EPS15L1: variants seen among roughly 807,000 people sequenced by gnomAD.
EPS15L1 encodes the protein epidermal growth factor receptor substrate 15-like 1.
Under a neutral mutation model 117.1 loss-of-function variants are expected in EPS15L1, and 43 were observed. The ratio of observed to expected loss-of-function variants is 0.37; its 90% CI spans 0.29 to 0.47. The LOEUF (loss-of-function observed/expected upper bound fraction) is 0.47. Ranked by LOEUF, EPS15L1 falls within the 20% of genes least tolerant of loss-of-function variation. EPS15L1 has a pLI of 0.99. For missense variants in EPS15L1, 981 were observed against 1,164.0 expected, an observed-to-expected ratio of 0.84 and a Z score of 2.29; for synonymous variants, 459 against 470.5, an observed-to-expected ratio of 0.98 and a Z score of 0.32.
intron 11 of EPS15L1, 84 bp from the exon 12 acceptor site, chr19:16,417,721 G>T: frequency 7.8e-7 from 1 of 1,285,000 alleles, no homozygotes; most frequent in Non-Finnish European, 1.1e-6. Flanking sequence ...CGGGCCCAGG[G>T]ATAAAATTGT....
chr19:16,355,714 A>G lies in EPS15L1; in HGVS notation c.2724T>C (p.Pro908=). 2 of 1,535,692 alleles carry G rather than the reference A, an allele frequency of 1.3e-6. No homozygotes were observed. The highest frequency in any genetic ancestry group is 1.7e-6 in the Non-Finnish European group (2 of 1,146,598). Residue 908 remains proline, a synonymous_variant, in exon 24 of 24, where the codon CCT becomes CCC. Coordinates refer to ENST00000455140, the MANE Select transcript of EPS15L1 (RefSeq NM_001258374.3). ...TACACACGGCCCTCGCCTAGGCGGC[A>G]GGCATGTCAGCCTTGCTGAGCGCGA... is the stretch of plus-strand genomic sequence containing the variant. ...LAIALSKADM[P]AA
intron 19 of EPS15L1, among the ~76,000 whole-genome samples, chr19:16,388,367 C>T (rs2092442495): frequency 6.6e-6 from 1 of 152,102 alleles, no homozygotes; most frequent in Non-Finnish European, 1.5e-5. Context: ...TGTTGAAAAG[C>T]ATAATTTACA....
At chr19:16,400,785 C>T in intron 16 of EPS15L1, 2 of 985,368 alleles carry the variant, frequency 2.0e-6, no homozygotes, top group Middle Eastern at 5.2e-4. Context: ...ACAAAAATAA[C>T]CAGAAAGGTA....
At chr19:16,380,353 G>A (rs73931907) in intron 21 of EPS15L1, among the ~76,000 whole-genome samples, 3,011 of 152,110 alleles carry the variant, frequency 0.02, 106 homozygotes, top group African/African-American at 0.069. Flanking sequence ...AGGCTCTAGC[G>A]TCTAGTCACA....
intron 3 of EPS15L1, chr19:16,441,262 G>C (rs1476729856): frequency 3.2e-6 from 1 of 313,176 alleles, no homozygotes; most frequent in African/African-American, 2.1e-5. Context: ...CCTGAGGTCA[G>C]GAGTGCGAGA....
rs774122652 is a variant in EPS15L1 at position 16,418,079 on chromosome 19, C to T, written c.976G>A (p.Gly326Arg). The T allele has an allele frequency of 2.5e-6, 4 of 1,613,866 alleles. No homozygotes were observed. Among genetic ancestry groups the T allele is most frequent in the Non-Finnish European group, 3.4e-6 (4 of 1,179,910 alleles). ...IWALADTRQT[G>R]KLSKDQFALA... is the part of the protein sequence containing the mutation. ...GCGAATTGGTCTTTGCTTAACTTCC[C>T]CGTTTGCCTCGTATCGGCCAGGGCC... Residue 326 changes from glycine to arginine, a missense_variant, in exon 11 of 24, where the codon GGG becomes AGG. Transcript: ENST00000455140.
chr19:16,406,703 C>A (rs888578059), intron 13 of EPS15L1, among the ~76,000 whole-genome samples: 2 of 152,250 alleles, frequency 1.3e-5, no homozygotes, highest in Admixed American at 6.5e-5. Flanking sequence ...CCCTCCTTTA[C>A]CTCCTCCTCA....
At chr19:16,465,098 A>G (rs1336438874) in intron 1 of EPS15L1, among the ~76,000 whole-genome samples, 8 of 151,570 alleles carry the variant, frequency 5.3e-5, no homozygotes, top group Non-Finnish European at 1.2e-4. Context: ...AAAAAAATTC[A>G]CAAGAAAACC....
chr19:16,419,334 C>T (rs181469357), intron 10 of EPS15L1, among the ~76,000 whole-genome samples: 20 of 152,276 alleles, frequency 1.3e-4, no homozygotes, highest in Middle Eastern at 3.4e-3. Flanking sequence ...TGGCGCGCGC[C>T]TGTAATCCCA....
At chr19:16,409,136 C>T (rs1281491062) in intron 13 of EPS15L1, among the ~76,000 whole-genome samples, 1 of 152,174 alleles carries the variant, frequency 6.6e-6, no homozygotes, top group African/African-American at 2.4e-5. Context: ...GAAGCTGATG[C>T]AGGAGGATCC....
At chr19:16,410,098 T>TGC (rs1440371908) in intron 13 of EPS15L1, among the ~76,000 whole-genome samples, 2 of 149,998 alleles carry the variant, frequency 1.3e-5, no homozygotes, top group African/African-American at 2.5e-5. Flanking sequence ...TGCACCCTTG[T>TGC]GCTCCAGCCT....
At chr19:16,458,999 G>A (rs1426359030) in intron 1 of EPS15L1, among the ~76,000 whole-genome samples, 1 of 152,218 alleles carries the variant, frequency 6.6e-6, no homozygotes, top group Non-Finnish European at 1.5e-5. Flanking sequence ...CTGTGGTCTA[G>A]CCTATTACTC....
At chr19:16,467,600 C>T (rs968896597) in intron 1 of EPS15L1, among the ~76,000 whole-genome samples, 2 of 152,014 alleles carry the variant, frequency 1.3e-5, no homozygotes, top group Admixed American at 1.3e-4. Flanking sequence ...CTGGATCTTT[C>T]AGGAGTGGAT....
rs186856037 is a variant in EPS15L1 at position 16,464,810 on chromosome 19, A to G, written c.33+7103T>C. ...AGCTTTAAAAAATTCACGGGTGGGC[A>G]TGGTGGCTCACGCCTGTAATCCCAG... On this transcript the variant is annotated intron_variant, in intron 1 of 23. Transcript: ENST00000455140. Among the ~76,000 whole-genome samples, 278 of 152,232 alleles carry G rather than the reference A, an allele frequency of 1.8e-3. 2 individuals carry two copies. The East Asian group carries it at 0.021, about 12-fold the overall frequency.
At chr19:16,433,441 T>G (rs985640290) in intron 7 of EPS15L1, among the ~76,000 whole-genome samples, 2 of 152,110 alleles carry the variant, frequency 1.3e-5, no homozygotes, top group Non-Finnish European at 2.9e-5. Context: ...TAAGACTTTC[T>G]TTAAAGAGAA....
intron 1 of EPS15L1, among the ~76,000 whole-genome samples, chr19:16,463,637 G>A (rs1034959952): frequency 6.6e-6 from 1 of 152,154 alleles, no homozygotes; most frequent in African/African-American, 2.4e-5. Context: ...GCTGCAGCCT[G>A]GCAAACAAGG....
chr19:16,393,919 T>C (rs750806241), intron 18 of EPS15L1, 32 bp downstream of exon 18: 1 of 1,611,328 alleles, frequency 6.2e-7, no homozygotes, highest in South Asian at 1.1e-5. Context: ...GGACACAGTC[T>C]AAAGACCGGT....
intron 12 of EPS15L1, among the ~76,000 whole-genome samples, chr19:16,415,269 G>A (rs2092747377): frequency 6.6e-6 from 1 of 152,168 alleles, no homozygotes; most frequent in Non-Finnish European, 1.5e-5. Flanking sequence ...CTGGAGGTTG[G>A]ACTTTGCAGC....
chr19:16,413,425 T>C (rs2144894954), intron 13 of EPS15L1: 1 of 733,094 alleles, frequency 1.4e-6, no homozygotes, highest in Non-Finnish European at 2.4e-6. Flanking sequence ...TTTGATGCCA[T>C]CTCTAAGACC....
Sources: gnomAD v4.1 joint callset for allele counts (sites outside exome capture counted in the v4.1 genomes callset) on GRCh38, gnomAD v4.1.1 for gene constraint, MANE v1.5 for transcripts, NCBI Gene and HGNC (gene_info 2026-07-23, HGNC 2026-07-21) for gene names.